The following BCL9 variants were observed in gnomAD, a reference collection of about 807,000 sequenced individuals.
BCL9 encodes BCL9 transcription coactivator.
A neutral mutation model predicts 88.5 loss-of-function variants in BCL9; 25 were observed. The observed-to-expected ratio is 0.28, with a 90% CI of 0.21 to 0.39. The LOEUF (loss-of-function observed/expected upper bound fraction) is 0.39, where lower values mean the gene tolerates loss of function less well. Ranked by LOEUF, BCL9 falls within the 10% of genes least tolerant of loss-of-function variation. The pLI is 1.00. For missense variants in BCL9, 1,817 were observed against 1,877.8 expected, an observed-to-expected ratio of 0.97 and a Z score of 0.60; for synonymous variants, 711 against 673.3, an observed-to-expected ratio of 1.06 and a Z score of -0.87.
Position 147,620,266 on chromosome 1 carries a change from G to T in BCL9, c.2111G>T (p.Gly704Val), listed in dbSNP as rs1252524680. Residue 704 changes from glycine (G) to valine (V), a missense_variant, in exon 8 of 10, where the codon GGT (glycine) becomes GTT (valine). Gly to Val is a moderately radical substitution (Grantham distance 109). Around this residue, in one of 2 missense-constraint regions of BCL9, gnomAD observed 1,228 missense variants for 1,191.6 expected, o/e 1.03. Coordinates refer to ENST00000234739, the MANE Select transcript of BCL9 (RefSeq NM_004326.4). ...GGAATTCCCCCACAGATGGGCCCTG[G>T]TCGGGAACTTGAGTTTGGGATGGTT... ...PKGIPPQMGPGRELEFGMVPS... is the reference protein window; with the variant it reads ...PKGIPPQMGPVRELEFGMVPS... 2 of 1,614,014 alleles carry T rather than the reference G, an allele frequency of 1.2e-6. No homozygotes were observed. The highest frequency in any genetic ancestry group is 1.3e-5 in the African/African-American group (1 of 74,940).
At chr1:147,595,434 C>A (rs1410997786) in intron 1 of BCL9, among the ~76,000 whole-genome samples, 1 of 152,004 alleles carries the variant, frequency 6.6e-6, no homozygotes, top group Non-Finnish European at 1.5e-5. Context: ...GTAGCACAGG[C>A]TGAAATCAGG....
At chr1:147,544,248 A>G (rs1654453937) in intron 1 of BCL9, among the ~76,000 whole-genome samples, 2 of 152,214 alleles carry the variant, frequency 1.3e-5, no homozygotes. Context: ...ATAGAGTTGC[A>G]TAAGTTATTG....
chr1:147,597,724 T>C (rs1657118109), intron 1 of BCL9, among the ~76,000 whole-genome samples: 1 of 152,236 alleles, frequency 6.6e-6, no homozygotes, highest in African/African-American at 2.4e-5. Context: ...TTCTATCCCA[T>C]GTGCAATGTA....
chr1:147,556,858 G>A (rs1032608103), intron 1 of BCL9, among the ~76,000 whole-genome samples: 1 of 152,166 alleles, frequency 6.6e-6, no homozygotes, highest in Non-Finnish European at 1.5e-5. Context: ...TGCCATAGAT[G>A]AATGCCTTGA....
At chr1:147,555,026 T>C (rs587652916) in intron 1 of BCL9, among the ~76,000 whole-genome samples, 30 of 152,294 alleles carry the variant, frequency 2.0e-4, no homozygotes, top group African/African-American at 7.0e-4. Flanking sequence ...CCCTTGCTCC[T>C]GAAAAGCCTT....
intron 1 of BCL9, among the ~76,000 whole-genome samples, chr1:147,564,428 T>A (rs1304614846): frequency 5.3e-5 from 8 of 152,116 alleles, no homozygotes; most frequent in Non-Finnish European, 7.3e-5. Flanking sequence ...GGTGAGGGAC[T>A]GGAGGTTGTA....
At chr1:147,550,285 G>T (rs72698253) in intron 1 of BCL9, among the ~76,000 whole-genome samples, 6,736 of 152,146 alleles carry the variant, frequency 0.044, 217 homozygotes, top group Non-Finnish European at 0.07. Flanking sequence ...AACCATGGAA[G>T]GGCCATCTTC....
chr1:147,612,238 C>T (rs1348410788), intron 4 of BCL9, among the ~76,000 whole-genome samples: 2 of 152,174 alleles, frequency 1.3e-5, no homozygotes, highest in Non-Finnish European at 1.5e-5. Context: ...AGCCTAATGT[C>T]GTAGAACTAA....
At chr1:147,554,241 G>A (rs1197382532) in intron 1 of BCL9, among the ~76,000 whole-genome samples, 1 of 152,110 alleles carries the variant, frequency 6.6e-6, no homozygotes, top group Admixed American at 6.6e-5. Context: ...TCAGCATTGG[G>A]TCCTTTCATT....
intron 8 of BCL9, 36 bp downstream of exon 8, chr1:147,621,093 A>G: frequency 6.4e-7 from 1 of 1,571,232 alleles, no homozygotes. Context: ...TGCACCTAGT[A>G]GCTGGAGACT....
At chr1:147,590,981 GT>G (rs1398193835) in intron 1 of BCL9, among the ~76,000 whole-genome samples, 1 of 152,116 alleles carries the variant, frequency 6.6e-6, no homozygotes, top group African/African-American at 2.4e-5. Context: ...ATTTTTACAT[GT>G]TTTTTTCCCT....
chr1:147,619,796 G>T lies in BCL9; in HGVS notation c.1641G>T (p.Arg547Ser), dbSNP rs1221932769. The change falls in exon 8 of 10, where the codon AGG becomes AGT. Residue 547 changes from arginine to serine, a missense_variant. Around this residue, in one of 2 missense-constraint regions of BCL9, gnomAD observed 1,228 missense variants for 1,191.6 expected, o/e 1.03. Coordinates refer to ENST00000234739, the MANE Select transcript of BCL9 (RefSeq NM_004326.4). This position sits in a 1 kb window ranked among gnomAD's most constrained non-coding sequence, Gnocchi z 4.1. ...GINMPHSLPP[R>S]GMAPHPNMPG... ...ACATGCCACATTCTCTGCCCCCGAG[G>T]GGCATGGCTCCCCACCCCAACATGC... 1 of 1,614,128 alleles carries T rather than the reference G, an allele frequency of 6.2e-7. No individual in the cohort carries two copies. The highest frequency in any genetic ancestry group is 1.7e-5 in the Admixed American group (1 of 60,020).
Position 147,624,174 on chromosome 1 carries a change from C to T in BCL9, c.3496C>T (p.Pro1166Ser), listed in dbSNP as rs1658810124. ...NGPSGGQGSF[P>S]GGMGFPGEGP... is the part of the protein sequence containing the mutation. The stretch of plus-strand genomic sequence containing the variant: ...CCCCAGTGGGGGGCAGGGCAGCTTC[C>T]CAGGAGGGATGGGTTTCCCAGGAGA... The change falls in exon 10 of 10, where the codon CCA (proline) becomes TCA (serine). Residue 1166 changes from proline to serine, a missense_variant. Pro to Ser is a moderately conservative substitution (Grantham distance 74, BLOSUM62 -1). Transcript: ENST00000234739. The surrounding 1 kb of genome is among the most constrained non-coding windows in gnomAD (Gnocchi z 4.4). 2 of 1,603,580 alleles carry T rather than the reference C, an allele frequency of 1.2e-6. No individual in the cohort carries two copies. The highest frequency in any genetic ancestry group is 2.2e-5 in the South Asian group (2 of 89,566).
At chr1:147,591,662 C>T (rs1445245731) in intron 1 of BCL9, among the ~76,000 whole-genome samples, 1 of 152,228 alleles carries the variant, frequency 6.6e-6, no homozygotes, top group African/African-American at 2.4e-5. Context: ...ACTGCCCACA[C>T]ATATGCTGTG....
chr1:147,618,913 G>A lies in BCL9; in HGVS notation c.758G>A (p.Arg253Lys). The stretch of plus-strand genomic sequence containing the variant: ...GACCAGAATTCTTCCCAGAATACCA[G>A]ACTGCAGCCAACTCCACCCATTCCG... ...NQDQNSSQNTRLQPTPPIPAP... is the reference protein window; with the variant it reads ...NQDQNSSQNTKLQPTPPIPAP... The change falls in exon 8 of 10, where the codon AGA becomes AAA. Residue 253 changes from arginine to lysine, a missense_variant. Transcript: ENST00000234739. The A allele has an allele frequency of 6.2e-7, 1 of 1,613,770 alleles. No homozygotes were observed.
chr1:147,577,448 G>C (rs976854162), intron 1 of BCL9, among the ~76,000 whole-genome samples: 1 of 152,212 alleles, frequency 6.6e-6, no homozygotes, highest in East Asian at 1.9e-4. Flanking sequence ...TGTCTGAGTA[G>C]AGTGTGATTT....
intron 2 of BCL9, among the ~76,000 whole-genome samples, chr1:147,605,718 G>GCTC (rs1657664894): frequency 1.3e-5 from 2 of 152,134 alleles, no homozygotes; most frequent in Non-Finnish European, 2.9e-5. Context: ...TACTTTTTCT[G>GCTC]AGAGGAAGCC....
chr1:147,573,178 C>T (rs1405406035), intron 1 of BCL9, among the ~76,000 whole-genome samples: 3 of 152,134 alleles, frequency 2.0e-5, no homozygotes, highest in Admixed American at 1.3e-4. Flanking sequence ...AGGCCGGGAG[C>T]GGTGGCTCAC....
chr1:147,557,694 AT>A (rs373394044), intron 1 of BCL9, among the ~76,000 whole-genome samples: 2 of 152,338 alleles, frequency 1.3e-5, no homozygotes, highest in African/African-American at 4.8e-5. Context: ...ATGAGAAAAA[AT>A]ATGTATACAT....
Sources: allele counts gnomAD v4.1 joint callset (sites outside exome capture counted in the v4.1 genomes callset), GRCh38; gene constraint gnomAD v4.1.1; regional missense constraint gnomAD v4.1.1; non-coding constraint Gnocchi (gnomAD v3.1); transcripts MANE v1.5; gene names NCBI Gene and HGNC (gene_info 2026-07-23, HGNC 2026-07-21).